C10orf143: variants seen among roughly 807,000 people sequenced by gnomAD.
The protein encoded by C10orf143 is uncharacterized protein C10orf143.
rs1163629715 is a variant in C10orf143 at position 130,056,999 on chromosome 10, C to A, written c.298-21029G>T. On this transcript the variant is annotated intron_variant and NMD_transcript_variant, in intron 3 of 5. Transcript: ENST00000643056. The surrounding 1 kb of genome is among the most constrained non-coding windows in gnomAD (Gnocchi z 4.6). ...ATCTCCTGGGCTCAAGTGACTCTCC[C>A]ACTTCAGTCTCACTACTCGCTGAAA... 6.6e-6 allele frequency among the ~76,000 whole-genome samples: 1 copy of A among 152,072 alleles called. No individual in the cohort carries two copies. The highest frequency in any genetic ancestry group is 6.6e-5 in the Admixed American group (1 of 15,262).
Position 130,096,572 on chromosome 10 carries a change from T to TGGTACATATATAC in C10orf143, c.69+14131_69+14132insGTATATATGTACC, listed in dbSNP as rs1861465985. Among the ~76,000 whole-genome samples, 44 of 38,702 alleles carry TGGTACATATATAC rather than the reference T, an allele frequency of 1.1e-3. 5 individuals carry two copies. The highest frequency in any genetic ancestry group is 0.031 in the Middle Eastern group (2 of 64). The allele number at this position is 38,702 out of a possible 152,430, so 25.4% of individuals were successfully genotyped here. A position where few individuals can be genotyped will look rare whatever the true frequency, so the allele number is the denominator to read the frequency against. On this transcript the variant is annotated intron_variant, in intron 1 of 3. Transcript: ENST00000637128. ...CCCATCAATGACAGACTGGATAAAT[T>TGGTACATATATAC]CTTGGCAAACTAACACAGGAACAGA...
At chr10:130,070,142 C>T (rs936890917) in intron 3 of C10orf143, among the ~76,000 whole-genome samples, 2 of 152,188 alleles carry the variant, frequency 1.3e-5, no homozygotes, top group African/African-American at 2.4e-5. Flanking sequence ...GTTAAATCAT[C>T]CATGTGTTCT....
intron 1 of C10orf143, among the ~76,000 whole-genome samples, chr10:130,090,437 G>A (rs938141770): frequency 4.6e-5 from 7 of 152,068 alleles, no homozygotes; most frequent in Admixed American, 1.3e-4. Context: ...AGATTCCCTC[G>A]GGTGCCTACA....
At chr10:130,040,913 G>C (rs1001057980) in intron 3 of C10orf143, among the ~76,000 whole-genome samples, 1 of 152,114 alleles carries the variant, frequency 6.6e-6, no homozygotes, top group Admixed American at 6.5e-5. Flanking sequence ...TGAGGCTTCA[G>C]GAAGCTACAC....
intron 1 of C10orf143, chr10:130,108,498 T>C (rs773007220): frequency 7.0e-6 from 5 of 718,784 alleles, no homozygotes; most frequent in Non-Finnish European, 1.0e-5. Flanking sequence ...CTGATCTCAT[T>C]TCAAGTAACT....
chr10:130,056,882 T>G lies in C10orf143; in HGVS notation c.298-20912A>C, dbSNP rs950808446. 2.7e-5 allele frequency among the ~76,000 whole-genome samples: 4 copies of G among 150,902 alleles called. No homozygotes were observed. The highest frequency in any genetic ancestry group is 9.8e-5 in the African/African-American group (4 of 40,894). On this transcript the variant is annotated intron_variant and NMD_transcript_variant, in intron 3 of 5. Transcript: ENST00000643056. This position sits in a 1 kb window ranked among gnomAD's most constrained non-coding sequence, Gnocchi z 4.6. ...CTGGGATTACAGGCGTGAGCCACTG[T>G]GCCCGGCCAGTTGCTTTCATTTTTT... is the stretch of plus-strand genomic sequence containing the variant.
At chr10:130,072,629 G>T (rs1169524015) in intron 3 of C10orf143, among the ~76,000 whole-genome samples, 2 of 151,432 alleles carry the variant, frequency 1.3e-5, no homozygotes, top group African/African-American at 4.9e-5. Flanking sequence ...TTCTTACTAT[G>T]GCTCTATTTC....
At chr10:130,037,394 C>A (rs1860556527) in intron 3 of C10orf143, among the ~76,000 whole-genome samples, 1 of 152,238 alleles carries the variant, frequency 6.6e-6, no homozygotes, top group African/African-American at 2.4e-5. Flanking sequence ...GCAAGCGAAA[C>A]AAGAGAAGGC....
chr10:130,045,382 G>A (rs996016538), intron 3 of C10orf143, among the ~76,000 whole-genome samples: 1 of 152,234 alleles, frequency 6.6e-6, no homozygotes, highest in Admixed American at 6.5e-5. Context: ...AACCCGCACA[G>A]GCGTCAAATG....
rs533315459 is a variant in C10orf143, at chr10:130,109,533, G to GTTA, written c.69+1168_69+1170dup. On this transcript the variant is annotated intron_variant, in intron 1 of 3. Transcript: ENST00000637128. ...GGCCAGCGTGCTTTGAAGGCTCTTG[G>GTTA]TTACAAAAGCACCCTAACCTGCTAT... is the stretch of plus-strand genomic sequence containing the variant. 3.2e-3 allele frequency among the ~76,000 whole-genome samples: 484 copies of GTTA among 152,216 alleles called. 1 individual carries two copies. Among genetic ancestry groups the GTTA allele is most frequent in the African/African-American group, 0.011 (454 of 41,518 alleles).
chr10:130,106,144 T>G, intron 1 of C10orf143: 1 of 770,078 alleles, frequency 1.3e-6, no homozygotes. Flanking sequence ...TGAGACTGGA[T>G]TCGAATCCTC....
intron 1 of C10orf143, among the ~76,000 whole-genome samples, chr10:130,086,132 G>A (rs1861287848): frequency 6.6e-6 from 1 of 152,304 alleles, no homozygotes; most frequent in African/African-American, 2.4e-5. Context: ...GTAACTAGCA[G>A]AGTAGAATCA....
chr10:130,085,486 A>G (rs1192723980), intron 1 of C10orf143, among the ~76,000 whole-genome samples: 1 of 152,222 alleles, frequency 6.6e-6, no homozygotes, highest in Non-Finnish European at 1.5e-5. Flanking sequence ...CTAAGTGTCG[A>G]GGTCCTAAAA....
chr10:130,089,761 T>C (rs1861350930), intron 1 of C10orf143, among the ~76,000 whole-genome samples: 1 of 152,196 alleles, frequency 6.6e-6, no homozygotes, highest in African/African-American at 2.4e-5. Context: ...ATATTTATGG[T>C]CAAATGATCT....
intron 1 of C10orf143, among the ~76,000 whole-genome samples, chr10:130,089,053 G>A (rs546426317): frequency 1.3e-5 from 2 of 152,110 alleles, no homozygotes; most frequent in Non-Finnish European, 2.9e-5. Context: ...GTCTAGCTTG[G>A]CGAAGAGAAG....
intron 1 of C10orf143, among the ~76,000 whole-genome samples, chr10:130,100,092 T>A (rs1343556045): frequency 6.6e-6 from 1 of 151,238 alleles, no homozygotes; most frequent in Non-Finnish European, 1.5e-5. Context: ...CAACACAGCC[T>A]CCCAAAGTGC....
chr10:130,106,081 G>T, intron 1 of C10orf143: 1 of 604,844 alleles, frequency 1.7e-6, no homozygotes, highest in East Asian at 4.2e-5. Context: ...AGCGGTACTT[G>T]GGGCTGGTCC....
chr10:130,065,993 T>C lies in C10orf143; in HGVS notation c.298-1610A>G, dbSNP rs1184956088. 1.3e-5 allele frequency: 2 copies of C among 152,050 alleles called. No homozygotes were observed. The highest frequency in any genetic ancestry group is 2.9e-5 in the Non-Finnish European group (2 of 68,022). The allele number at this position is 152,050 out of a possible 1,614,324, so 9.4% of individuals were successfully genotyped here. ...AAATGCTGTTTAATTCATTTCGTCATCACCAACCACAGAACTTGAAAAACA... is the reference window on the plus strand; with the variant it reads ...AAATGCTGTTTAATTCATTTCGTCACCACCAACCACAGAACTTGAAAAACA... On this transcript the variant is annotated intron_variant, in intron 3 of 3. Coordinates refer to ENST00000637128, the MANE Select transcript of C10orf143 (RefSeq NM_001355042.2). The surrounding 1 kb of genome is among the most constrained non-coding windows in gnomAD (Gnocchi z 4.2).
chr10:130,102,878 T>C (rs1158917897), intron 1 of C10orf143, among the ~76,000 whole-genome samples: 1 of 152,214 alleles, frequency 6.6e-6, no homozygotes, highest in Non-Finnish European at 1.5e-5. Context: ...CCACCTTTCT[T>C]CTGGTCAGTG....
Sources: allele counts gnomAD v4.1 joint callset (sites outside exome capture counted in the v4.1 genomes callset), GRCh38; gene constraint gnomAD v4.1.1; non-coding constraint Gnocchi (gnomAD v3.1); transcripts MANE v1.5; gene names NCBI Gene and HGNC (gene_info 2026-07-23, HGNC 2026-07-21).